RUNX1T1: variants seen among roughly 807,000 people sequenced by gnomAD.
RUNX1T1 encodes the protein RUNX1 partner transcriptional co-repressor 1.
Under a neutral mutation model 62.8 loss-of-function variants are expected in RUNX1T1, and 4 were observed. That is an observed-to-expected ratio of 0.06 (90% CI 0.03 to 0.15). RUNX1T1 has a LOEUF of 0.15. Among genes scored for constraint, RUNX1T1 ranks in the 10% least tolerant of loss-of-function variants. The pLI is 1.00. For missense variants in RUNX1T1, 508 were observed against 754.3 expected (o/e 0.67, Z 3.82); for synonymous variants, 291 against 286.0 (o/e 1.02, Z -0.18).
At chr8:92,021,723 T>G (rs1824137642) in intron 1 of RUNX1T1, among the ~76,000 whole-genome samples, 1 of 152,066 alleles carries the variant, frequency 6.6e-6, no homozygotes, top group South Asian at 2.1e-4. Flanking sequence ...AGATTGCACG[T>G]TTTAAACCCT....
chr8:92,059,883 T>C (rs1246513498), intron 1 of RUNX1T1, among the ~76,000 whole-genome samples: 1 of 152,128 alleles, frequency 6.6e-6, no homozygotes, highest in East Asian at 1.9e-4. Context: ...AGCAGGACCA[T>C]TGAGAAAGGG....
At chr8:92,090,316 G>C (rs1299979341) in intron 1 of RUNX1T1, among the ~76,000 whole-genome samples, 2 of 151,758 alleles carry the variant, frequency 1.3e-5, no homozygotes, top group Non-Finnish European at 2.9e-5. Context: ...CCAGGAAGTT[G>C]AACCTGGCCA....
upstream of RUNX1T1, chr8:92,103,144 C>T: frequency 7.8e-6 from 3 of 383,910 alleles, no homozygotes; most frequent in Non-Finnish European, 1.4e-5. Context: ...GAGCCCAAGA[C>T]TTGCGGAGCT....
chr8:92,049,585 A>T (rs1275313918), intron 1 of RUNX1T1, among the ~76,000 whole-genome samples: 1 of 152,204 alleles, frequency 6.6e-6, no homozygotes, highest in Non-Finnish European at 1.5e-5. Context: ...ACATTCCTTA[A>T]GCATTATTTG....
chr8:92,103,061 G>A, upstream of RUNX1T1: 3 of 532,910 alleles, frequency 5.6e-6, no homozygotes, highest in South Asian at 1.2e-4. Context: ...ACGGCCGCCC[G>A]GCGCTGCGCA....
At chr8:91,965,385 C>T (rs1275329673) in intron 10 of RUNX1T1, among the ~76,000 whole-genome samples, 1 of 152,114 alleles carries the variant, frequency 6.6e-6, no homozygotes, top group Non-Finnish European at 1.5e-5. Flanking sequence ...ACAATAACTT[C>T]TTCTGCTGTT....
At chr8:92,030,042 A>G (rs1825942391) in intron 1 of RUNX1T1, among the ~76,000 whole-genome samples, 1 of 152,160 alleles carries the variant, frequency 6.6e-6, no homozygotes, top group Admixed American at 6.5e-5. Context: ...CAACCTAGAT[A>G]GATTTAATAT....
intron 5 of RUNX1T1, among the ~76,000 whole-genome samples, chr8:91,996,508 T>G (rs773038486): frequency 6.6e-6 from 1 of 152,156 alleles, no homozygotes; most frequent in Non-Finnish European, 1.5e-5. Flanking sequence ...GCTTATTTGT[T>G]TTTTAAGTCT....
intron 1 of RUNX1T1, among the ~76,000 whole-genome samples, chr8:92,047,528 G>T (rs912400198): frequency 2.6e-5 from 4 of 152,030 alleles, no homozygotes; most frequent in African/African-American, 9.7e-5. Flanking sequence ...ACACTAGAAT[G>T]TAAGTTCTAT....
At chr8:91,980,656 AT>A (rs1381022884) in intron 8 of RUNX1T1, among the ~76,000 whole-genome samples, 1 of 152,028 alleles carries the variant, frequency 6.6e-6, no homozygotes, top group Non-Finnish European at 1.5e-5. Context: ...GTTCTTTTTG[AT>A]TTTATGTTTT....
intron 1 of RUNX1T1, among the ~76,000 whole-genome samples, chr8:92,047,348 T>G (rs1829569628): frequency 6.6e-6 from 1 of 152,030 alleles, no homozygotes; most frequent in African/African-American, 2.4e-5. Flanking sequence ...GCATTTCAAT[T>G]ACCCAAATTT....
At chr8:92,075,834 T>TA (rs1834338192) in intron 2 of RUNX1T1, 131 bp downstream of exon 2, 1 of 783,464 alleles carries the variant, frequency 1.3e-6, no homozygotes, top group Admixed American at 3.0e-5. Context: ...GTTTAAAACA[T>TA]ACAATAGAAC....
At chr8:91,992,241 G>A (rs540888445) in intron 5 of RUNX1T1, among the ~76,000 whole-genome samples, 66 of 152,208 alleles carry the variant, frequency 4.3e-4, no homozygotes, top group African/African-American at 1.6e-3. Flanking sequence ...CCCTAAGACC[G>A]ACTGTATTTG....
At chr8:91,970,386 T>C (rs1586736848) in intron 10 of RUNX1T1, among the ~76,000 whole-genome samples, 1 of 152,144 alleles carries the variant, frequency 6.6e-6, no homozygotes, top group African/African-American at 2.4e-5. Flanking sequence ...AGCCAAGCTA[T>C]GAGTCTCTAA....
chr8:91,988,689 C>T (rs1413814860), intron 6 of RUNX1T1, among the ~76,000 whole-genome samples: 2 of 152,006 alleles, frequency 1.3e-5, no homozygotes, highest in African/African-American at 4.8e-5. Context: ...AATAATGACA[C>T]AAGCTGTAAT....
At chr8:92,024,309 G>A (rs1824696857) in intron 1 of RUNX1T1, among the ~76,000 whole-genome samples, 1 of 151,650 alleles carries the variant, frequency 6.6e-6, no homozygotes, top group Non-Finnish European at 1.5e-5. Context: ...TGGAGTTCAA[G>A]ACCACCCTGG....
At chr8:91,983,163 G>T (rs912493587) in intron 8 of RUNX1T1, among the ~76,000 whole-genome samples, 1 of 151,190 alleles carries the variant, frequency 6.6e-6, no homozygotes, top group Non-Finnish European at 1.5e-5. Context: ...TCCAACCCCC[G>T]ACCTCGTGAT....
chr8:92,079,744 C>T (rs545714172), intron 1 of RUNX1T1, among the ~76,000 whole-genome samples: 2 of 152,144 alleles, frequency 1.3e-5, no homozygotes, highest in African/African-American at 4.8e-5. Context: ...CACTCATCTA[C>T]AGTTTTCAGC....
intron 1 of RUNX1T1, among the ~76,000 whole-genome samples, chr8:92,043,332 C>T (rs751707944): frequency 9.9e-5 from 15 of 151,904 alleles, no homozygotes; most frequent in Non-Finnish European, 1.6e-4. Context: ...AAATCCCTTA[C>T]CAAAAATGAA....
Sources: allele counts gnomAD v4.1 joint callset (sites outside exome capture counted in the v4.1 genomes callset), GRCh38; gene constraint gnomAD v4.1.1; transcripts MANE v1.5; gene names NCBI Gene and HGNC (gene_info 2026-07-23, HGNC 2026-07-21).